Variants in ZCCHC17 observed in about 807,000 individuals in gnomAD.
ZCCHC17 encodes the protein zinc finger CCHC domain-containing protein 17.
A neutral mutation model predicts 30.6 loss-of-function variants in ZCCHC17; 18 were observed. The ratio of observed to expected loss-of-function variants is 0.59; its 90% CI spans 0.41 to 0.87. The LOEUF (loss-of-function observed/expected upper bound fraction) is 0.87. Among genes scored for constraint, ZCCHC17 ranks in the 40% least tolerant of loss-of-function variants. The probability of loss-of-function intolerance (pLI) is 0.00; values close to 1 mark genes in which losing one functional copy is unlikely to be tolerated. For missense variants in ZCCHC17, 263 were observed against 284.2 expected (o/e 0.93, Z 0.54); for synonymous variants, 88 against 92.4 (o/e 0.95, Z 0.27).
intron 1 of ZCCHC17, among the ~76,000 whole-genome samples, chr1:31,299,595 A>G (rs1646257445): frequency 6.6e-6 from 1 of 152,254 alleles, no homozygotes; most frequent in African/African-American, 2.4e-5. Flanking sequence ...AAATTTCTCC[A>G]GTCAATAGCT....
chr1:31,330,366 T>C (rs1014888344), intron 3 of ZCCHC17, among the ~76,000 whole-genome samples: 12 of 152,342 alleles, frequency 7.9e-5, no homozygotes, highest in African/African-American at 2.9e-4. Flanking sequence ...AAGTGTCATG[T>C]TGGGTTTATT....
chr1:31,310,255 T>C, intron 2 of ZCCHC17, 91 bp downstream of exon 2: 1 of 1,345,202 alleles, frequency 7.4e-7, no homozygotes, highest in Non-Finnish European at 1.0e-6. Flanking sequence ...CACTTAAGTC[T>C]GTCTTGAGCA....
Position 31,312,059 on chromosome 1 carries a change from TCTG to T in ZCCHC17, c.66+1899_66+1901del, listed in dbSNP as rs552389605. ...CAGTGAGCCCTTATCAAACACAAAATCTGCTGGCACCTTGATCTTGAACTTCCC... is the reference window on the plus strand; with the variant it reads ...CAGTGAGCCCTTATCAAACACAAAATCTGGCACCTTGATCTTGAACTTCCC... On this transcript the variant is annotated intron_variant, in intron 2 of 7. Coordinates refer to ENST00000344147, the MANE Select transcript of ZCCHC17 (RefSeq NM_016505.4). 6.6e-5 allele frequency among the ~76,000 whole-genome samples: 10 copies of T among 152,220 alleles called. No homozygotes were observed. In the East Asian group the frequency reaches 1.9e-3, roughly 29 times the overall value.
intron 5 of ZCCHC17, 200 bp from the exon 6 acceptor site, chr1:31,346,440 G>A: frequency 2.0e-6 from 1 of 489,004 alleles, no homozygotes. Context: ...TTAGTGAGAT[G>A]AAGGTTAGTC....
chr1:31,332,182 A>G (rs1415584365), intron 3 of ZCCHC17, among the ~76,000 whole-genome samples: 1 of 152,168 alleles, frequency 6.6e-6, no homozygotes, highest in Admixed American at 6.6e-5. Context: ...CAGTCACTAA[A>G]CTGACAGTCT....
chr1:31,339,070 G>C, intron 5 of ZCCHC17, 22 bp downstream of exon 5: 1 of 1,566,426 alleles, frequency 6.4e-7, no homozygotes, highest in Non-Finnish European at 8.7e-7. Context: ...GTTTGGAAAG[G>C]TGAAAATTCT....
At position 31,319,148 on chromosome 1, in the gene ZCCHC17, C is replaced by G. The variant is rs1223505558; in HGVS notation, c.106C>G (p.Pro36Ala). The G allele has an allele frequency of 6.2e-7, 1 of 1,609,342 alleles. No homozygotes were observed. Among genetic ancestry groups the G allele is most frequent in the South Asian group, 1.1e-5 (1 of 90,594 alleles). The stretch of plus-strand genomic sequence containing the variant: ...AGACTATGGGGCCTTTATCAAAATC[C>G]CAGGCTGTCGGAAGCAAGGTAGGAG... ...VTDYGAFIKI[P>A]GCRKQGLVHR... The change falls in exon 3 of 8, where the codon CCA becomes GCA. Residue 36 changes from proline to alanine, a missense_variant. By Grantham distance (27) the Pro-to-Ala change is conservative (BLOSUM62 -1). Transcript: ENST00000344147.
At chr1:31,341,701 T>G (rs1639053531) in intron 5 of ZCCHC17, among the ~76,000 whole-genome samples, 1 of 152,214 alleles carries the variant, frequency 6.6e-6, no homozygotes, top group Non-Finnish European at 1.5e-5. Context: ...AATATATGAC[T>G]TTGAGCAGAT....
chr1:31,359,133 G>C (rs949089213), intron 7 of ZCCHC17, among the ~76,000 whole-genome samples: 3 of 152,126 alleles, frequency 2.0e-5, no homozygotes, highest in Non-Finnish European at 4.4e-5. Flanking sequence ...TGGTAATTTT[G>C]TTTGTTTGTT....
intron 7 of ZCCHC17, among the ~76,000 whole-genome samples, chr1:31,363,486 A>G (rs1188585169): frequency 1.3e-5 from 2 of 151,952 alleles, no homozygotes; most frequent in Admixed American, 6.6e-5. Flanking sequence ...CCTGGCCACA[A>G]TGTCTTATAC....
chr1:31,309,235 T>C (rs1646539482), intron 1 of ZCCHC17, among the ~76,000 whole-genome samples: 2 of 152,204 alleles, frequency 1.3e-5, no homozygotes, highest in African/African-American at 4.8e-5. Context: ...TTGACATGCT[T>C]AGTAATTTAA....
intron 7 of ZCCHC17, among the ~76,000 whole-genome samples, chr1:31,354,445 C>T (rs1219800660): frequency 6.6e-6 from 1 of 152,030 alleles, no homozygotes; most frequent in Non-Finnish European, 1.5e-5. Context: ...GCTGTATCAC[C>T]CAGGCTGGAG....
chr1:31,310,822 T>C (rs1314939617), intron 2 of ZCCHC17, among the ~76,000 whole-genome samples: 2 of 152,220 alleles, frequency 1.3e-5, no homozygotes, highest in African/African-American at 4.8e-5. Context: ...AGAACCACTA[T>C]CCTGCAGGTT....
Position 31,364,179 on chromosome 1 carries a change from A to C in ZCCHC17, c.712A>C (p.Lys238Gln), listed in dbSNP as rs1398772230. 3.1e-6 allele frequency: 5 copies of C among 1,613,420 alleles called. No homozygotes were observed. The highest frequency in any genetic ancestry group is 1.7e-4 in the Middle Eastern group (1 of 5,826). The change falls in exon 8 of 8, where the codon AAG (lysine) becomes CAG (glutamine). Residue 238 changes from lysine (K) to glutamine (Q), a missense_variant. Physicochemically the swap from Lys to Gln is moderately conservative, Grantham distance 53 (BLOSUM62 1). Coordinates refer to ENST00000344147, the MANE Select transcript of ZCCHC17 (RefSeq NM_016505.4). ...KKKKKKKHKKKHKE is the reference protein window; with the variant it reads ...KKKKKKKHKKQHKE ...GAAAAAGAAGAAGAAGCACAAGAAG[A>C]AGCACAAGGAGTGAGAGTATAAAGA...
At chr1:31,304,272 CTT>C (rs5773350) in intron 1 of ZCCHC17, among the ~76,000 whole-genome samples, 1 of 146,704 alleles carries the variant, frequency 6.8e-6, no homozygotes, top group Non-Finnish European at 1.5e-5. Flanking sequence ...GTTATATACT[CTT>C]TTTTTTTTTT....
At chr1:31,339,960 C>CTTTTTTTTTTTTTTTTTTTTTTTTTT in intron 5 of ZCCHC17, among the ~76,000 whole-genome samples, 1 of 90,424 alleles carries the variant, frequency 1.1e-5, no homozygotes, top group African/African-American at 3.5e-5. Flanking sequence ...TCTTGGATTT[C>CTTTTTTTTTTTTTTTTTTTTTTTTTT]TTTTTTTTTT....
intron 3 of ZCCHC17, among the ~76,000 whole-genome samples, chr1:31,335,412 G>A (rs1638777138): frequency 2.6e-5 from 4 of 152,198 alleles, no homozygotes; most frequent in African/African-American, 7.2e-5. Flanking sequence ...GTCTCGCTCT[G>A]TCACCTAGGC....
intron 3 of ZCCHC17, among the ~76,000 whole-genome samples, chr1:31,329,886 A>C (rs1638514627): frequency 6.6e-6 from 1 of 152,204 alleles, no homozygotes; most frequent in Non-Finnish European, 1.5e-5. Context: ...TGGGAGGACC[A>C]TGTTTCATTA....
intron 4 of ZCCHC17, among the ~76,000 whole-genome samples, chr1:31,338,557 TAAA>T (rs888812436): frequency 2.0e-5 from 3 of 152,340 alleles, no homozygotes; most frequent in Admixed American, 1.3e-4. Context: ...TCTTCATGCT[TAAA>T]GAAGCTCTAG....
Sources: gnomAD v4.1 joint callset for allele counts (sites outside exome capture counted in the v4.1 genomes callset) on GRCh38, gnomAD v4.1.1 for gene constraint, MANE v1.5 for transcripts, NCBI Gene and HGNC (gene_info 2026-07-23, HGNC 2026-07-21) for gene names.